The following CDK14 variants were observed in gnomAD, a reference collection of about 807,000 sequenced individuals.
CDK14 encodes the protein cyclin dependent kinase 14, also known as cyclin-dependent kinase 14.
A neutral mutation model predicts 60.7 loss-of-function variants in CDK14; 34 were observed. That is an observed-to-expected ratio of 0.56 (90% CI 0.43 to 0.75). The LOEUF (loss-of-function observed/expected upper bound fraction) is 0.75, where lower values mean the gene tolerates loss of function less well. Among genes scored for constraint, CDK14 ranks in the 30% least tolerant of loss-of-function variants. CDK14 has a pLI of 0.00. For synonymous variants in CDK14, 197 were observed against 203.7 expected (o/e 0.97, Z 0.28); for missense variants, 482 against 564.1 (o/e 0.85, Z 1.47).
At chr7:90,692,510 A>G (rs1044102576) in intron 2 of CDK14, 8 of 154,046 alleles carry the variant, frequency 5.2e-5, no homozygotes, top group African/African-American at 1.9e-4. Context: ...TTGCTTTGAC[A>G]TACTGTACAC....
chr7:91,135,025 T>C (rs1800232451), intron 14 of CDK14, among the ~76,000 whole-genome samples: 1 of 152,040 alleles, frequency 6.6e-6, no homozygotes, highest in Non-Finnish European at 1.5e-5. Context: ...TATATTTCTG[T>C]CAAAAAAAAG....
At chr7:90,871,963 A>C (rs547398759) in intron 6 of CDK14, among the ~76,000 whole-genome samples, 1 of 152,360 alleles carries the variant, frequency 6.6e-6, no homozygotes. Flanking sequence ...GAACAGAAAC[A>C]CAGCTCATTA....
In CDK14 at chr7:90,648,729, A is replaced by C. The variant is rs183724009; in HGVS notation, c.123+44480A>C. 2.8e-3 allele frequency among the ~76,000 whole-genome samples: 428 copies of C among 152,306 alleles called. 3 individuals are homozygous for C. Among genetic ancestry groups the C allele is most frequent in the African/African-American group, 1.0e-2 (415 of 41,580 alleles). On this transcript the variant is annotated intron_variant, in intron 2 of 14. Transcript: ENST00000380050. ...TTAAGAATTTTCCTTTCTTGGAAGA[A>C]ATGTTGGATTTGGGCAGTGTTTTGA...
intron 12 of CDK14, among the ~76,000 whole-genome samples, chr7:91,103,391 C>G (rs993321246): frequency 7.9e-5 from 12 of 152,280 alleles, no homozygotes; most frequent in Middle Eastern, 3.4e-3. Context: ...ATGGTACTCT[C>G]TAGTCTGGCA....
rs773839618 is a variant in CDK14 at position 91,079,495 on chromosome 7, A to G, written c.1154+15A>G. ...GCATGGAATAAGTAAGTCTTTATAC[A>G]GATTGTGCTCATTCTCTTTCTTTCT... On this transcript the variant is annotated intron_variant, in intron 12 of 14. Coordinates refer to ENST00000380050, the MANE Select transcript of CDK14 (RefSeq NM_001287135.2). 6.4e-7 allele frequency: 1 copy of G among 1,561,166 alleles called. No homozygotes were observed. The highest frequency in any genetic ancestry group is 8.8e-7 in the Non-Finnish European group (1 of 1,133,220).
At position 90,985,958 on chromosome 7, in the gene CDK14, G is replaced by A. The variant is rs147371231; in HGVS notation, c.1041+1717G>A. 3.3e-5 allele frequency among the ~76,000 whole-genome samples: 5 copies of A among 151,840 alleles called. No homozygotes were observed. The East Asian group carries it at 9.7e-4, about 29-fold the overall frequency. ...ATTTTTATAATGGAAAATTCCTACAGTGTCAAAATGAAAAAAAGCTGAAAA... is the reference window on the plus strand; with the variant it reads ...ATTTTTATAATGGAAAATTCCTACAATGTCAAAATGAAAAAAAGCTGAAAA... On this transcript the variant is annotated intron_variant, in intron 10 of 14. Transcript: ENST00000380050.
At chr7:90,766,600 A>AT (rs1804572919) in intron 4 of CDK14, among the ~76,000 whole-genome samples, 1 of 152,140 alleles carries the variant, frequency 6.6e-6, no homozygotes, top group Admixed American at 6.5e-5. Context: ...AACTTTTACC[A>AT]TTTTTTGTAA....
At chr7:90,963,680 G>GT (rs376787216) in intron 9 of CDK14, among the ~76,000 whole-genome samples, 30,760 of 130,636 alleles carry the variant, frequency 0.24, 3,704 homozygotes, top group Middle Eastern at 0.35. Flanking sequence ...GAAGACAAAG[G>GT]TTTTTTTTTT....
At chr7:90,919,377 T>C (rs1793175226) in intron 8 of CDK14, among the ~76,000 whole-genome samples, 1 of 152,184 alleles carries the variant, frequency 6.6e-6, no homozygotes, top group African/African-American at 2.4e-5. Context: ...GATGTTTTCA[T>C]TGTAGTAGGT....
At chr7:90,979,057 T>G (rs1056203533) in intron 9 of CDK14, among the ~76,000 whole-genome samples, 14 of 152,214 alleles carry the variant, frequency 9.2e-5, no homozygotes, top group African/African-American at 3.4e-4. Flanking sequence ...ATGTGGTTTC[T>G]GTAGCAACTA....
chr7:90,822,017 G>A (rs573024236), intron 5 of CDK14, among the ~76,000 whole-genome samples: 43 of 152,200 alleles, frequency 2.8e-4, no homozygotes, highest in Admixed American at 2.2e-3. Context: ...AATCCCCTGC[G>A]GGTGAATCAA....
chr7:91,207,320 A>G lies in CDK14; in HGVS notation c.*184A>G, dbSNP rs1802934736. On this transcript the variant is annotated 3_prime_UTR_variant, in exon 15 of 15. Coordinates refer to ENST00000380050, the MANE Select transcript of CDK14 (RefSeq NM_001287135.2). ...CAAGACCCTGTTTTCTCTGCAATTTATTTAAAACCTTGCACGCATTTGGAT... is the reference window on the plus strand; with the variant it reads ...CAAGACCCTGTTTTCTCTGCAATTTGTTTAAAACCTTGCACGCATTTGGAT... 6.6e-6 allele frequency: 1 copy of G among 152,244 alleles called. No homozygotes were observed. Among genetic ancestry groups the G allele is most frequent in the African/African-American group, 2.4e-5 (1 of 41,458 alleles). The allele number at this position is 152,244 out of a possible 1,614,324, so 9.4% of individuals were successfully genotyped here. A position where few individuals can be genotyped will look rare whatever the true frequency, so the allele number is the denominator to read the frequency against.
chr7:90,852,079 T>C (rs1790663882), intron 5 of CDK14, among the ~76,000 whole-genome samples: 1 of 152,174 alleles, frequency 6.6e-6, no homozygotes, highest in Non-Finnish European at 1.5e-5. Flanking sequence ...TTATTTGTTA[T>C]AGATATGGAG....
chr7:90,812,317 T>G (rs1326000706), intron 5 of CDK14, among the ~76,000 whole-genome samples: 2 of 152,166 alleles, frequency 1.3e-5, no homozygotes, highest in South Asian at 2.1e-4. Flanking sequence ...GTCTTTTGTA[T>G]GGACATGGAT....
At position 91,171,877 on chromosome 7, in the gene CDK14, C is replaced by T. The variant is rs189297076; in HGVS notation, c.*29-35288C>T. On this transcript the variant is annotated intron_variant, in intron 14 of 14. Transcript: ENST00000380050. ...GGTTAGGCTGGTCTCGAACTCCTGA[C>T]CTCAAATGATCCACCCACCTCGACC... Among the ~76,000 whole-genome samples, 66 of 152,276 alleles carry T rather than the reference C, an allele frequency of 4.3e-4. 1 individual carries two copies. The South Asian group carries it at 7.3e-3, about 17-fold the overall frequency.
intron 6 of CDK14, among the ~76,000 whole-genome samples, chr7:90,884,904 C>A (rs1791891072): frequency 6.6e-6 from 1 of 152,156 alleles, no homozygotes; most frequent in African/African-American, 2.4e-5. Flanking sequence ...GAAACTGGAA[C>A]CCTTCCTTAA....
intron 12 of CDK14, among the ~76,000 whole-genome samples, chr7:91,097,086 A>C (rs1008907499): frequency 6.6e-6 from 1 of 152,216 alleles, no homozygotes; most frequent in Non-Finnish European, 1.5e-5. Flanking sequence ...TTTATTATAT[A>C]AAAACATATT....
At chr7:91,165,065 A>ATCGC (rs1401785601) in intron 14 of CDK14, among the ~76,000 whole-genome samples, 1 of 152,128 alleles carries the variant, frequency 6.6e-6, no homozygotes, top group Non-Finnish European at 1.5e-5. Context: ...TATTTTTGTG[A>ATCGC]TCGCTCTTCA....
At chr7:91,196,185 A>G (rs915382555) in intron 14 of CDK14, among the ~76,000 whole-genome samples, 2 of 152,180 alleles carry the variant, frequency 1.3e-5, no homozygotes, top group African/African-American at 4.8e-5. Flanking sequence ...TAAATATTTA[A>G]CAGTTGGCTC....
Sources: allele counts gnomAD v4.1 joint callset (sites outside exome capture counted in the v4.1 genomes callset), GRCh38; gene constraint gnomAD v4.1.1; transcripts MANE v1.5; gene names NCBI Gene and HGNC (gene_info 2026-07-23, HGNC 2026-07-21).